Variants in MTCL1 observed in about 807,000 individuals in gnomAD.
The protein encoded by MTCL1 is microtubule cross-linking factor 1.
A neutral mutation model predicts 141.4 loss-of-function variants in MTCL1; 79 were observed. That is an observed-to-expected ratio of 0.56 (90% CI 0.47 to 0.67). The LOEUF is 0.67. Among genes scored for constraint, MTCL1 ranks in the 30% least tolerant of loss-of-function variants. The probability of loss-of-function intolerance (pLI) is 0.00; values close to 1 mark genes in which losing one functional copy is unlikely to be tolerated. For synonymous variants in MTCL1, 914 were observed against 875.8 expected, an observed-to-expected ratio of 1.04 and a Z score of -0.77; for missense variants, 2,177 against 2,113.9, an observed-to-expected ratio of 1.03 and a Z score of -0.59.
At chr18:8,731,435 A>G (rs893602251) in intron 4 of MTCL1, among the ~76,000 whole-genome samples, 1 of 150,476 alleles carries the variant, frequency 6.6e-6, no homozygotes, top group Non-Finnish European at 1.5e-5. Context: ...TTAGCCAGGC[A>G]TGGTGGCAGG....
At chr18:8,737,580 C>T (rs1268683615) in intron 4 of MTCL1, among the ~76,000 whole-genome samples, 3 of 152,212 alleles carry the variant, frequency 2.0e-5, no homozygotes, top group African/African-American at 7.2e-5. Context: ...AGATGCCAAG[C>T]AGGTGACCAA....
chr18:8,829,436 A>G, intron 16 of MTCL1: 1 of 978,910 alleles, frequency 1.0e-6, no homozygotes, highest in Non-Finnish European at 1.2e-6. Context: ...CAACCATACC[A>G]CAAGGAATGA....
chr18:8,726,472 G>GGA (rs374393768), intron 4 of MTCL1, among the ~76,000 whole-genome samples: 5,162 of 131,568 alleles, frequency 0.039, 167 homozygotes, highest in Middle Eastern at 0.11. Flanking sequence ...GAGAATAAGA[G>GGA]GAGAGAGAGA....
chr18:8,786,223 T>C, intron 7 of MTCL1, 132 bp downstream of exon 6: 2 of 1,073,862 alleles, frequency 1.9e-6, no homozygotes, highest in Middle Eastern at 2.0e-4. Flanking sequence ...TAGGTGGAAC[T>C]CACTTGACAG....
At chr18:8,793,913 C>T (rs896023851) in intron 8 of MTCL1, among the ~76,000 whole-genome samples, 5 of 152,222 alleles carry the variant, frequency 3.3e-5, no homozygotes, top group East Asian at 1.9e-4. Context: ...GGAATGTGTG[C>T]TACACATAAG....
Position 8,796,265 on chromosome 18 carries a change from A to T in MTCL1, c.2044A>T (p.Lys682Ter). 1 of 1,614,150 alleles carries T rather than the reference A, an allele frequency of 6.2e-7. No homozygotes were observed. The highest frequency in any genetic ancestry group is 8.5e-7 in the Non-Finnish European group (1 of 1,180,036). ...GGAGCACCTCTATGCCTTGAGGTGG[A>T]AAGAACTGGAAATGCACAGCCTGGC... Residue 682 changes from lysine (K) to a stop codon, truncating the protein, a stop_gained, in exon 9 of 17, where the codon AAA becomes TAA. Transcript: ENST00000359865. LOFTEE classifies it high-confidence loss of function.
At chr18:8,746,859 C>A (rs185108550) in intron 4 of MTCL1, among the ~76,000 whole-genome samples, 214 of 152,200 alleles carry the variant, frequency 1.4e-3, no homozygotes, top group Middle Eastern at 6.8e-3. Flanking sequence ...CGTGCACCTA[C>A]AATAAATGCA....
At chr18:8,741,681 A>G in intron 4 of MTCL1, among the ~76,000 whole-genome samples, 1 of 152,248 alleles carries the variant, frequency 6.6e-6, no homozygotes, top group East Asian at 1.9e-4. Context: ...CAAGCAGCAC[A>G]GACTCGCAAA....
At chr18:8,725,242 G>A (rs754140419) in intron 4 of MTCL1, among the ~76,000 whole-genome samples, 4 of 152,100 alleles carry the variant, frequency 2.6e-5, no homozygotes, top group Admixed American at 6.6e-5. Flanking sequence ...AAAAGAGTCC[G>A]AGGGAACCAA....
intron 10 of MTCL1, 52 bp downstream of exon 9, chr18:8,798,343 C>G (rs2075998395): frequency 1.4e-6 from 2 of 1,397,564 alleles, no homozygotes; most frequent in Non-Finnish European, 1.9e-6. Flanking sequence ...GGAGAGGAGG[C>G]TCCTAAGCTG....
At chr18:8,744,002 T>C (rs181031250) in intron 4 of MTCL1, among the ~76,000 whole-genome samples, 1 of 152,274 alleles carries the variant, frequency 6.6e-6, no homozygotes, top group Non-Finnish European at 1.5e-5. Context: ...TCTGCATGAC[T>C]GGATACTTCC....
At chr18:8,829,924 G>T in intron 16 of MTCL1, 1 of 985,266 alleles carries the variant, frequency 1.0e-6, no homozygotes, top group African/African-American at 1.7e-5. Flanking sequence ...GCAGAGGCTG[G>T]CAAAGAGGGG....
At chr18:8,784,035 A>T (rs780915051) in exon 6 of MTCL1, 1 of 1,613,398 alleles carries the variant, frequency 6.2e-7, no homozygotes, top group Non-Finnish European at 8.5e-7. Flanking sequence ...GAGCTCAGCA[A>T]GTTTAAGTTT....
At chr18:8,807,522 T>G (rs1178076427) in intron 11 of MTCL1, among the ~76,000 whole-genome samples, 1 of 152,192 alleles carries the variant, frequency 6.6e-6, no homozygotes, top group Non-Finnish European at 1.5e-5. Flanking sequence ...TTCTAATACA[T>G]TTCAGTCTCC....
intron 4 of MTCL1, among the ~76,000 whole-genome samples, chr18:8,725,770 C>T (rs2096204159): frequency 7.7e-6 from 1 of 130,696 alleles, no homozygotes; most frequent in Non-Finnish European, 1.6e-5. Context: ...ATTTTGGTGC[C>T]ATTTTCTTTT....
intron 3 of MTCL1, chr18:8,720,066 G>A (rs370899440): frequency 4.8e-4 from 159 of 328,270 alleles, no homozygotes; most frequent in African/African-American, 3.2e-3. Context: ...GTTTGGGGGG[G>A]TTGGATACCA....
chr18:8,720,195 A>G, intron 3 of MTCL1, 143 bp from the exon 3 acceptor site: 1 of 734,664 alleles, frequency 1.4e-6, no homozygotes, highest in South Asian at 2.0e-5. Flanking sequence ...TCCTTTTAAC[A>G]ATAAGTCAGT....
intron 10 of MTCL1, among the ~76,000 whole-genome samples, chr18:8,800,079 C>T (rs1313892536): frequency 6.6e-6 from 1 of 152,216 alleles, no homozygotes; most frequent in Admixed American, 6.5e-5. Flanking sequence ...ATGCACAACC[C>T]TCTGTCTGTC....
intron 10 of MTCL1, among the ~76,000 whole-genome samples, chr18:8,806,298 C>A (rs2076294310): frequency 6.6e-6 from 1 of 152,146 alleles, no homozygotes; most frequent in Non-Finnish European, 1.5e-5. Context: ...ATATCTGTGA[C>A]CTTTTAGTAA....
Sources: allele counts gnomAD v4.1 joint callset (sites outside exome capture counted in the v4.1 genomes callset), GRCh38; gene constraint gnomAD v4.1.1; transcripts MANE v1.5; gene names NCBI Gene and HGNC (gene_info 2026-07-23, HGNC 2026-07-21).